NEDD4: variants seen among roughly 807,000 people sequenced by gnomAD.
NEDD4 encodes the protein E3 ubiquitin-protein ligase NEDD4.
Under a neutral mutation model 144.9 loss-of-function variants are expected in NEDD4, and 99 were observed. The observed-to-expected ratio is 0.68, with a 90% CI of 0.58 to 0.81. NEDD4 has a LOEUF of 0.81. NEDD4 is among the 30% of genes least tolerant of loss of function. The probability of loss-of-function intolerance (pLI) is 0.00; values close to 1 mark genes in which losing one functional copy is unlikely to be tolerated. For synonymous variants in NEDD4, 318 were observed against 350.6 expected, an observed-to-expected ratio of 0.91 and a Z score of 1.04; for missense variants, 985 against 1,065.9, an observed-to-expected ratio of 0.92 and a Z score of 1.06.
rs116989483 is a variant in NEDD4, at chr15:55,973,269, T to C, written c.46-6723A>G. ...TCTTTAAAAATTCAGCTAGGCACAA[T>C]GGTTCATGCCTGTAATTCCAACACT... On this transcript the variant is annotated intron_variant, in intron 1 of 28. Coordinates refer to ENST00000435532, the MANE Select transcript of NEDD4 (RefSeq NM_006154.4). 2.2e-4 allele frequency among the ~76,000 whole-genome samples: 33 copies of C among 152,346 alleles called. No individual in the cohort carries two copies. In the East Asian group the frequency reaches 6.4e-3, roughly 29 times the overall value.
intron 9 of NEDD4, among the ~76,000 whole-genome samples, chr15:55,861,090 A>G (rs2034387215): frequency 6.6e-6 from 1 of 152,228 alleles, no homozygotes; most frequent in African/African-American, 2.4e-5. Context: ...ATGAATAAAT[A>G]TCAGAGCGCT....
Position 55,993,579 on chromosome 15 carries a change from GAC to G in NEDD4, c.-26_-25del, listed in dbSNP as rs770395702. 6.9e-6 allele frequency: 11 copies of G among 1,590,372 alleles called. No homozygotes were observed. In the South Asian group the frequency reaches 1.2e-4, roughly 18 times the overall value. ...ATTTCCGAACGCTTCCAGCAAACCG[GAC>G]GCGCTCGCCCCCGCCCAGGGCAGGC... On this transcript the variant is annotated 5_prime_UTR_variant, in exon 1 of 29. Coordinates refer to ENST00000435532, the MANE Select transcript of NEDD4 (RefSeq NM_006154.4).
At chr15:55,967,440 C>CTGTGTGTGTGTGTGTGTG (rs200788423) in intron 1 of NEDD4, among the ~76,000 whole-genome samples, 4 of 142,264 alleles carry the variant, frequency 2.8e-5, no homozygotes, top group African/African-American at 7.9e-5. Flanking sequence ...CATAACTATG[C>CTGTGTGTGTGTGTGTGTG]TGTGTGTGTG....
At chr15:55,975,188 C>T (rs191626875) in intron 1 of NEDD4, among the ~76,000 whole-genome samples, 57 of 152,060 alleles carry the variant, frequency 3.7e-4, no homozygotes, top group Admixed American at 5.9e-4. Context: ...CCACTGTGCC[C>T]GGCCGCCCAC....
At chr15:55,832,282 C>T (rs1431216586) in intron 27 of NEDD4, among the ~76,000 whole-genome samples, 1 of 151,806 alleles carries the variant, frequency 6.6e-6, no homozygotes, top group Non-Finnish European at 1.5e-5. Context: ...CTGAAGAAAT[C>T]CATTTAACTT....
chr15:55,974,026 A>G (rs2037658754), intron 1 of NEDD4, among the ~76,000 whole-genome samples: 2 of 152,070 alleles, frequency 1.3e-5, no homozygotes, highest in Admixed American at 1.3e-4. Flanking sequence ...AATAGAAAAA[A>G]CTTTAACTAG....
chr15:55,839,595 G>A (rs554275911), intron 21 of NEDD4, among the ~76,000 whole-genome samples: 12 of 152,112 alleles, frequency 7.9e-5, no homozygotes, highest in East Asian at 7.7e-4. Context: ...GAAACAACAC[G>A]GCTACAGTCC....
rs1473575584 is a variant in NEDD4, at chr15:55,840,819, C to T, written c.1839-92G>A. 4 of 1,296,782 alleles carry T rather than the reference C, an allele frequency of 3.1e-6. No individual in the cohort carries two copies. In the Admixed American group the frequency reaches 8.5e-5, roughly 28 times the overall value. The allele number at this position is 1,296,782 out of a possible 1,614,324, so 80.3% of individuals were successfully genotyped here. On this transcript the variant is annotated intron_variant, in intron 19 of 28. Coordinates refer to ENST00000435532, the MANE Select transcript of NEDD4 (RefSeq NM_006154.4). ...ATCTTCCTCCTTTAAGAGTTGTTTA[C>T]CACTGTTAGAACCACATTCCTCCAC...
chr15:55,860,791 T>C lies in NEDD4; in HGVS notation c.675-13A>G. 1 of 1,608,376 alleles carries C rather than the reference T, an allele frequency of 6.2e-7. No individual in the cohort carries two copies. Among genetic ancestry groups the C allele is most frequent in the Non-Finnish European group, 8.5e-7 (1 of 1,175,778 alleles). ...TGTTAGGTTGTCCCTATATTGGAAGTATAAAAAGCCATCATCCATGTCTTA... is the reference window on the plus strand; with the variant it reads ...TGTTAGGTTGTCCCTATATTGGAAGCATAAAAAGCCATCATCCATGTCTTA... On this transcript the variant is annotated splice_polypyrimidine_tract_variant and intron_variant, in intron 9 of 28. Transcript: ENST00000435532.
chr15:55,931,439 A>C (rs2142250545), intron 4 of NEDD4, among the ~76,000 whole-genome samples: 1 of 152,340 alleles, frequency 6.6e-6, no homozygotes, highest in South Asian at 2.1e-4. Context: ...TTTTAAATTT[A>C]TTGAAGATAG....
chr15:55,950,561 G>A (rs1350984112), intron 4 of NEDD4, among the ~76,000 whole-genome samples: 3 of 152,212 alleles, frequency 2.0e-5, no homozygotes, highest in African/African-American at 7.2e-5. Context: ...AGTAAGATGA[G>A]ATAAGATGAA....
intron 11 of NEDD4, among the ~76,000 whole-genome samples, chr15:55,858,780 A>T (rs1333935083): frequency 6.6e-6 from 1 of 152,242 alleles, no homozygotes; most frequent in Non-Finnish European, 1.5e-5. Flanking sequence ...CTTGAAGAAG[A>T]TGCTAGAGCA....
chr15:55,958,353 A>T (rs1338961126), intron 2 of NEDD4, among the ~76,000 whole-genome samples: 1 of 152,188 alleles, frequency 6.6e-6, no homozygotes, highest in Non-Finnish European at 1.5e-5. Flanking sequence ...AATGTTGAAC[A>T]AACCTTGCAT....
intron 11 of NEDD4, among the ~76,000 whole-genome samples, chr15:55,859,757 G>T (rs1465440975): frequency 1.3e-5 from 2 of 152,108 alleles, no homozygotes; most frequent in African/African-American, 4.8e-5. Context: ...GAGAAAAGCA[G>T]TCCCTAACAT....
intron 18 of NEDD4, among the ~76,000 whole-genome samples, chr15:55,846,424 T>G (rs117668121): frequency 6.6e-6 from 1 of 152,132 alleles, no homozygotes; most frequent in Non-Finnish European, 1.5e-5. Flanking sequence ...TCCAAACATA[T>G]TGCATTTGTG....
intron 1 of NEDD4, among the ~76,000 whole-genome samples, chr15:55,977,367 CTAGGTGTGTAG>C (rs1365036864): frequency 6.6e-6 from 1 of 152,162 alleles, no homozygotes; most frequent in Non-Finnish European, 1.5e-5. Context: ...ATCACACAGC[CTAGGTGTGTAG>C]TAGGCTATAC....
chr15:55,880,041 C>T (rs2414449), intron 5 of NEDD4, among the ~76,000 whole-genome samples: 111,750 of 152,144 alleles, frequency 0.73, 41,333 homozygotes, highest in Non-Finnish European at 0.79. Context: ...TGTAATCAAT[C>T]CCAGCACTTT....
chr15:55,949,566 A>G (rs200691419), intron 4 of NEDD4, among the ~76,000 whole-genome samples: 11 of 152,252 alleles, frequency 7.2e-5, no homozygotes, highest in East Asian at 1.9e-4. Flanking sequence ...GTCCATCAAT[A>G]ATAGACTGGA....
chr15:55,969,150 G>A (rs1266222344), intron 1 of NEDD4, among the ~76,000 whole-genome samples: 1 of 152,140 alleles, frequency 6.6e-6, no homozygotes, highest in East Asian at 1.9e-4. Flanking sequence ...AGTGATTGTG[G>A]GACTTTGCAT....
Sources: allele counts gnomAD v4.1 joint callset (sites outside exome capture counted in the v4.1 genomes callset), GRCh38; gene constraint gnomAD v4.1.1; transcripts MANE v1.5; gene names NCBI Gene and HGNC (gene_info 2026-07-23, HGNC 2026-07-21).